Variants in SLC24A3 observed in about 807,000 individuals in gnomAD.
The protein encoded by SLC24A3 is solute carrier family 24 member 3, also known as sodium/potassium/calcium exchanger 3.
Under a neutral mutation model 75.8 loss-of-function variants are expected in SLC24A3, and 28 were observed. The ratio of observed to expected loss-of-function variants is 0.37; its 90% confidence interval spans 0.27 to 0.51. The LOEUF (loss-of-function observed/expected upper bound fraction) is 0.51. Ranked by LOEUF, SLC24A3 falls within the 20% of genes least tolerant of loss-of-function variation. The probability of loss-of-function intolerance (pLI) is 0.94; values close to 1 mark genes in which losing one functional copy is unlikely to be tolerated. For synonymous variants in SLC24A3, 372 were observed against 334.1 expected (o/e 1.11, Z -1.24); for missense variants, 663 against 847.8 (o/e 0.78, Z 2.71).
chr20:19,238,152 C>A (rs553081921), intron 1 of SLC24A3, among the ~76,000 whole-genome samples: 1 of 152,270 alleles, frequency 6.6e-6, no homozygotes, highest in South Asian at 2.1e-4. Context: ...CCCTTGAAAC[C>A]TGCACATGGT....
chr20:19,567,478 G>A (rs1452470423), intron 3 of SLC24A3, among the ~76,000 whole-genome samples: 1 of 152,090 alleles, frequency 6.6e-6, no homozygotes, highest in Admixed American at 6.5e-5. Flanking sequence ...ACACAAAGCT[G>A]GGAACAACAG....
At chr20:19,701,047 C>A (rs2032865696) in intron 15 of SLC24A3, among the ~76,000 whole-genome samples, 1 of 152,032 alleles carries the variant, frequency 6.6e-6, no homozygotes, top group Non-Finnish European at 1.5e-5. Flanking sequence ...CAGATTCATT[C>A]CTGAAGTTTT....
At chr20:19,527,258 C>A (rs546541201) in intron 3 of SLC24A3, among the ~76,000 whole-genome samples, 26 of 152,316 alleles carry the variant, frequency 1.7e-4, no homozygotes, top group African/African-American at 6.0e-4. Flanking sequence ...CCCCTCTTCC[C>A]AGAATGATGT....
intron 1 of SLC24A3, among the ~76,000 whole-genome samples, chr20:19,273,015 A>T (rs185347653): frequency 6.6e-6 from 1 of 152,110 alleles, no homozygotes; most frequent in African/African-American, 2.4e-5. Context: ...GGGCTTTCCC[A>T]TCTTTGTGCC....
At chr20:19,417,856 A>G (rs1986853465) in intron 2 of SLC24A3, among the ~76,000 whole-genome samples, 1 of 152,202 alleles carries the variant, frequency 6.6e-6, no homozygotes, top group African/African-American at 2.4e-5. Flanking sequence ...TACATACTGA[A>G]TGGTGAGACC....
intron 3 of SLC24A3, among the ~76,000 whole-genome samples, chr20:19,540,153 A>G (rs1308041343): frequency 1.3e-5 from 2 of 152,174 alleles, no homozygotes; most frequent in Non-Finnish European, 2.9e-5. Context: ...CTTCGGTTCA[A>G]AGTACTCAGC....
At chr20:19,360,004 A>G (rs1167751612) in intron 2 of SLC24A3, among the ~76,000 whole-genome samples, 1 of 152,146 alleles carries the variant, frequency 6.6e-6, no homozygotes, top group African/African-American at 2.4e-5. Context: ...CAGTCTACAC[A>G]TGTAAAGTCT....
intron 2 of SLC24A3, among the ~76,000 whole-genome samples, chr20:19,494,344 C>T: frequency 6.6e-6 from 1 of 152,232 alleles, no homozygotes. Flanking sequence ...CTGGCTCCAT[C>T]TAGCAGATCT....
At chr20:19,266,009 A>C (rs1983154205) in intron 1 of SLC24A3, 1 of 152,708 alleles carries the variant, frequency 6.5e-6, no homozygotes, top group African/African-American at 2.4e-5. Context: ...CCTAAAATGA[A>C]AATCTGAGGT....
intron 6 of SLC24A3, among the ~76,000 whole-genome samples, chr20:19,651,549 G>A (rs943785593): frequency 1.5e-4 from 23 of 151,928 alleles, no homozygotes; most frequent in African/African-American, 5.5e-4. Context: ...TAAACTCAGA[G>A]GACCCTTTTG....
chr20:19,289,520 G>C (rs957410798), intron 2 of SLC24A3, among the ~76,000 whole-genome samples: 2 of 152,230 alleles, frequency 1.3e-5, no homozygotes, highest in Non-Finnish European at 2.9e-5. Flanking sequence ...GCACTCAACT[G>C]TGTGTAGAGA....
intron 1 of SLC24A3, among the ~76,000 whole-genome samples, chr20:19,253,313 G>A (rs1306810060): frequency 2.0e-5 from 3 of 152,202 alleles, no homozygotes; most frequent in Non-Finnish European, 4.4e-5. Flanking sequence ...GGGCATTTTC[G>A]CTTCAAGAGA....
At chr20:19,439,916 C>T (rs931660856) in intron 2 of SLC24A3, among the ~76,000 whole-genome samples, 3 of 152,122 alleles carry the variant, frequency 2.0e-5, no homozygotes, top group East Asian at 3.9e-4. Context: ...TTGCATGTGG[C>T]CAGCTTTGGG....
At chr20:19,478,838 C>T (rs1211102586) in intron 2 of SLC24A3, among the ~76,000 whole-genome samples, 5 of 152,222 alleles carry the variant, frequency 3.3e-5, no homozygotes, top group Middle Eastern at 3.2e-3. Context: ...GTCTCAAGTT[C>T]ATCTGCATCC....
chr20:19,391,167 C>T (rs1986358074), intron 2 of SLC24A3, among the ~76,000 whole-genome samples: 1 of 152,180 alleles, frequency 6.6e-6, no homozygotes, highest in Non-Finnish European at 1.5e-5. Flanking sequence ...TCAAGGAAGC[C>T]TTTTTATCCC....
chr20:19,312,543 G>T (rs1378932266), intron 2 of SLC24A3, among the ~76,000 whole-genome samples: 1 of 152,150 alleles, frequency 6.6e-6, no homozygotes, highest in Non-Finnish European at 1.5e-5. Context: ...TGTGAACAAG[G>T]AGGCCCAGAA....
intron 2 of SLC24A3, among the ~76,000 whole-genome samples, chr20:19,461,692 C>G (rs1987678500): frequency 6.6e-6 from 1 of 151,944 alleles, no homozygotes; most frequent in African/African-American, 2.4e-5. Context: ...ACCACCACAC[C>G]TGGCTAATTT....
In SLC24A3 at chr20:19,358,170, C is replaced by T. The variant is rs532087581; in HGVS notation, c.271+77083C>T. Among the ~76,000 whole-genome samples the T allele has an allele frequency of 6.6e-5, 10 of 152,266 alleles. No individual in the cohort carries two copies. The South Asian group carries it at 1.0e-3, about 16-fold the overall frequency. The stretch of plus-strand genomic sequence containing the variant: ...CATGACAGTTTTGTTTAGTATTTTC[C>T]TGTCAAAAATCCAGATTGCAGGCCA... On this transcript the variant is annotated intron_variant, in intron 2 of 16. Coordinates refer to ENST00000328041, the MANE Select transcript of SLC24A3 (RefSeq NM_020689.4).
chr20:19,480,692 G>T (rs1176054393), intron 2 of SLC24A3, among the ~76,000 whole-genome samples: 1 of 151,972 alleles, frequency 6.6e-6, no homozygotes, highest in Non-Finnish European at 1.5e-5. Context: ...GGTTGGGAGG[G>T]CAACTCTGTG....
Sources: gnomAD v4.1 joint callset for allele counts (sites outside exome capture counted in the v4.1 genomes callset) on GRCh38, gnomAD v4.1.1 for gene constraint, MANE v1.5 for transcripts, NCBI Gene and HGNC (gene_info 2026-07-23, HGNC 2026-07-21) for gene names.